The following MCTP1 variants were observed in gnomAD, a reference collection of about 807,000 sequenced individuals.
MCTP1 encodes the protein multiple C2 and transmembrane domain containing 1.
In MCTP1, 69 loss-of-function variants were observed where a neutral mutation model predicts 120.6. The ratio of observed to expected loss-of-function variants is 0.57; its 90% CI spans 0.47 to 0.70. The LOEUF is 0.70. Ranked by LOEUF, MCTP1 falls within the 30% of genes least tolerant of loss-of-function variation. The pLI is 0.00. For missense variants in MCTP1, 1,203 were observed against 1,248.8 expected, an observed-to-expected ratio of 0.96 and a Z score of 0.55; for synonymous variants, 529 against 493.1, an observed-to-expected ratio of 1.07 and a Z score of -0.96.
chr5:95,087,617 T>C (rs778280211), intron 1 of MCTP1, among the ~76,000 whole-genome samples: 2 of 152,178 alleles, frequency 1.3e-5, no homozygotes, highest in Non-Finnish European at 2.9e-5. Context: ...AAACAAAAGC[T>C]TTTAAAGGCC....
At chr5:95,147,773 T>C (rs565080032) in intron 1 of MCTP1, among the ~76,000 whole-genome samples, 8 of 152,348 alleles carry the variant, frequency 5.3e-5, no homozygotes, top group Non-Finnish European at 1.2e-4. Context: ...TAGACTTCAT[T>C]GTCTAATTGC....
intron 1 of MCTP1, among the ~76,000 whole-genome samples, chr5:95,228,046 A>T (rs888657118): frequency 1.3e-5 from 2 of 152,162 alleles, no homozygotes; most frequent in Admixed American, 6.5e-5. Flanking sequence ...AAATGCTATT[A>T]TAGTAGTTCA....
At position 95,212,251 on chromosome 5, in the gene MCTP1, A is replaced by G. The variant is rs141968364; in HGVS notation, c.720+71605T>C. Reference sequence around the variant, plus strand: ...ATACTACAAACACCTGTATGCAAATAAACTAGAAAATCTAGAATGGATAAA... The same window carrying G: ...ATACTACAAACACCTGTATGCAAATGAACTAGAAAATCTAGAATGGATAAA... On this transcript the variant is annotated intron_variant, in intron 1 of 22. Coordinates refer to ENST00000515393, the MANE Select transcript of MCTP1 (RefSeq NM_024717.7). Among the ~76,000 whole-genome samples the G allele has an allele frequency of 2.6e-5, 4 of 152,340 alleles. No individual in the cohort carries two copies. The East Asian group carries it at 7.7e-4, about 29-fold the overall frequency.
At chr5:95,205,232 A>C (rs958466129) in intron 1 of MCTP1, among the ~76,000 whole-genome samples, 2 of 152,176 alleles carry the variant, frequency 1.3e-5, no homozygotes, top group Non-Finnish European at 2.9e-5. Context: ...CAAGAAAATA[A>C]AATGGGGAAA....
At chr5:95,140,976 G>T (rs527454221) in intron 1 of MCTP1, among the ~76,000 whole-genome samples, 1 of 151,898 alleles carries the variant, frequency 6.6e-6, no homozygotes, top group East Asian at 1.9e-4. Flanking sequence ...GAATGAAGTG[G>T]TTTCTAATGG....
chr5:94,708,788 CT>C, intron 21 of MCTP1, 179 bp from the exon 22 acceptor site: 1 of 509,964 alleles, frequency 2.0e-6, no homozygotes, highest in Non-Finnish European at 3.5e-6. Flanking sequence ...TTACTTGTAC[CT>C]TAGTAGCTTC....
chr5:94,788,058 TA>T (rs1778130724), intron 18 of MCTP1, among the ~76,000 whole-genome samples: 1 of 152,260 alleles, frequency 6.6e-6, no homozygotes, highest in Admixed American at 6.5e-5. Flanking sequence ...CGGTAACTCT[TA>T]TCTTAAAGGT....
chr5:95,238,742 T>C (rs10066492), intron 1 of MCTP1, among the ~76,000 whole-genome samples: 24,307 of 152,108 alleles, frequency 0.16, 2,022 homozygotes, highest in Non-Finnish European at 0.19. Context: ...AAAATTATTC[T>C]CATTCTCATA....
At chr5:95,088,702 C>G (rs1582222140) in intron 1 of MCTP1, among the ~76,000 whole-genome samples, 1 of 152,324 alleles carries the variant, frequency 6.6e-6, no homozygotes, top group East Asian at 1.9e-4. Context: ...TTTTGCATTA[C>G]TATTTGCTAG....
chr5:95,062,823 T>G (rs1204280652), intron 1 of MCTP1, among the ~76,000 whole-genome samples: 2 of 152,054 alleles, frequency 1.3e-5, no homozygotes. Context: ...TTTTTTGTTG[T>G]TTTGTTTTTT....
chr5:94,921,465 T>C (rs1040384662), intron 7 of MCTP1, among the ~76,000 whole-genome samples: 1 of 152,240 alleles, frequency 6.6e-6, no homozygotes, highest in African/African-American at 2.4e-5. Flanking sequence ...TAAATCTTGA[T>C]AGGAATTTAT....
At position 94,974,735 on chromosome 5, in the gene MCTP1, G is replaced by T. The variant is rs144833811; in HGVS notation, c.839-21374C>A. ...TATAGAATATATGCATGAAAAAAAT[G>T]ATTATGACCCTAAAAAAAACCAAAA... On this transcript the variant is annotated intron_variant, in intron 2 of 22. Transcript: ENST00000515393. Among the ~76,000 whole-genome samples the T allele has an allele frequency of 6.6e-5, 10 of 151,764 alleles. No individual in the cohort carries two copies. In the East Asian group the frequency reaches 1.9e-3, roughly 29 times the overall value.
intron 1 of MCTP1, among the ~76,000 whole-genome samples, chr5:95,184,601 C>A (rs1463673860): frequency 6.6e-6 from 1 of 152,142 alleles, no homozygotes; most frequent in Non-Finnish European, 1.5e-5. Context: ...CCTGAAAAGA[C>A]CCCCTTCTTG....
intron 1 of MCTP1, among the ~76,000 whole-genome samples, chr5:95,242,100 T>C (rs750735811): frequency 1.3e-5 from 2 of 152,202 alleles, no homozygotes; most frequent in South Asian, 2.1e-4. Context: ...GTCCTCCTTA[T>C]TCATTTAAAA....
At chr5:94,996,469 G>A (rs140467923) in intron 2 of MCTP1, among the ~76,000 whole-genome samples, 194 of 152,268 alleles carry the variant, frequency 1.3e-3, no homozygotes, top group African/African-American at 4.2e-3. Context: ...AGGATGCCCC[G>A]TGGATACCAA....
chr5:94,998,599 A>T (rs1561992427), intron 2 of MCTP1, among the ~76,000 whole-genome samples: 1 of 152,172 alleles, frequency 6.6e-6, no homozygotes, highest in Non-Finnish European at 1.5e-5. Context: ...GGTCTTGCCA[A>T]CAGCACTGAC....
chr5:95,146,763 T>G (rs1339833005), intron 1 of MCTP1, among the ~76,000 whole-genome samples: 2 of 152,178 alleles, frequency 1.3e-5, no homozygotes, highest in Non-Finnish European at 2.9e-5. Flanking sequence ...GTTATGATTT[T>G]TTTTAACTTG....
rs181134222 is a variant in MCTP1 at position 95,074,599 on chromosome 5, G to A, written c.721-57115C>T. Among the ~76,000 whole-genome samples the A allele has an allele frequency of 2.0e-3, 312 of 152,266 alleles. 1 individual carries two copies. The highest frequency in any genetic ancestry group is 6.8e-3 in the Middle Eastern group (2 of 294). Reference sequence around the variant, plus strand: ...GCGGGTGAAGTATAACCAATCTTAGGTGTGCACAAGTGGTTAAATGTGGAC... The same window carrying A: ...GCGGGTGAAGTATAACCAATCTTAGATGTGCACAAGTGGTTAAATGTGGAC... On this transcript the variant is annotated intron_variant, in intron 1 of 22. Transcript: ENST00000515393.
At chr5:94,818,365 C>T (rs965647132) in intron 17 of MCTP1, among the ~76,000 whole-genome samples, 17 of 152,160 alleles carry the variant, frequency 1.1e-4, no homozygotes, top group Non-Finnish European at 2.9e-5. Context: ...CACCTGGCCC[C>T]CATCAGACAT....
Sources: gnomAD v4.1 joint callset for allele counts (sites outside exome capture counted in the v4.1 genomes callset) on GRCh38, gnomAD v4.1.1 for gene constraint, MANE v1.5 for transcripts, NCBI Gene and HGNC (gene_info 2026-07-23, HGNC 2026-07-21) for gene names.